GRIK2: variants seen among roughly 807,000 people sequenced by gnomAD.
The protein encoded by GRIK2 is glutamate ionotropic receptor kainate type subunit 2.
In GRIK2, 32 loss-of-function variants were observed where a neutral mutation model predicts 100.3. That is an observed-to-expected ratio of 0.32 (90% CI 0.24 to 0.43). The LOEUF (loss-of-function observed/expected upper bound fraction) is 0.43, where lower values mean the gene tolerates loss of function less well. GRIK2 is among the 20% of genes least tolerant of loss of function. The probability of loss-of-function intolerance (pLI) is 1.00; values close to 1 mark genes in which losing one functional copy is unlikely to be tolerated. For synonymous variants in GRIK2, 417 were observed against 389.4 expected, an observed-to-expected ratio of 1.07 and a Z score of -0.83; for missense variants, 843 against 1,114.9, an observed-to-expected ratio of 0.76 and a Z score of 3.47.
chr6:101,838,576 C>A (rs1783289934), intron 10 of GRIK2, among the ~76,000 whole-genome samples: 1 of 152,094 alleles, frequency 6.6e-6, no homozygotes, highest in South Asian at 2.1e-4. Flanking sequence ...TGCAATTTTT[C>A]CATTTCAAGA....
intron 8 of GRIK2, among the ~76,000 whole-genome samples, chr6:101,800,112 T>C (rs1780580228): frequency 6.6e-6 from 1 of 152,108 alleles, no homozygotes; most frequent in African/African-American, 2.4e-5. Context: ...ATTTTTAACA[T>C]AAATGTCATT....
At chr6:101,559,885 G>A (rs1002271189) in intron 2 of GRIK2, among the ~76,000 whole-genome samples, 4 of 152,050 alleles carry the variant, frequency 2.6e-5, no homozygotes, top group African/African-American at 9.7e-5. Context: ...TACAAGTTGT[G>A]GGGTGATATG....
chr6:101,849,396 TA>T (rs1457775001), intron 10 of GRIK2, among the ~76,000 whole-genome samples: 1 of 152,066 alleles, frequency 6.6e-6, no homozygotes. Flanking sequence ...CTTGAGCCCT[TA>T]GGGGGAAATA....
At chr6:102,045,273 T>G in intron 15 of GRIK2, among the ~76,000 whole-genome samples, 1 of 152,216 alleles carries the variant, frequency 6.6e-6, no homozygotes, top group East Asian at 1.9e-4. Context: ...CTATAATAAA[T>G]TAGTCTTCAG....
chr6:101,604,161 A>T (rs1779346191), intron 2 of GRIK2, among the ~76,000 whole-genome samples: 1 of 151,738 alleles, frequency 6.6e-6, no homozygotes, highest in Non-Finnish European at 1.5e-5. Context: ...GTTACAAATT[A>T]TCCCAGAAAA....
At chr6:101,592,909 T>C (rs1238001189) in intron 2 of GRIK2, among the ~76,000 whole-genome samples, 2 of 151,848 alleles carry the variant, frequency 1.3e-5, no homozygotes, top group East Asian at 2.0e-4. Flanking sequence ...AGGAATTACA[T>C]CACATGATTA....
chr6:101,711,780 TGTA>T (rs1208697968), intron 7 of GRIK2, among the ~76,000 whole-genome samples: 2 of 151,662 alleles, frequency 1.3e-5, no homozygotes, highest in African/African-American at 4.8e-5. Context: ...ACTAAAAACA[TGTA>T]GTGGCATTTT....
intron 2 of GRIK2, among the ~76,000 whole-genome samples, chr6:101,561,731 G>A (rs1777026749): frequency 6.6e-6 from 1 of 152,110 alleles, no homozygotes; most frequent in Admixed American, 6.5e-5. Context: ...GCAAGAGGGA[G>A]TAATTGGACT....
chr6:101,953,205 T>A (rs571239336), intron 14 of GRIK2, among the ~76,000 whole-genome samples: 1 of 152,340 alleles, frequency 6.6e-6, no homozygotes, highest in South Asian at 2.1e-4. Flanking sequence ...ACTTTTTGGA[T>A]ATTATAAATA....
chr6:102,000,253 C>T (rs2114256076), intron 14 of GRIK2, among the ~76,000 whole-genome samples: 1 of 143,348 alleles, frequency 7.0e-6, no homozygotes, highest in East Asian at 2.1e-4. Flanking sequence ...ATCACCTGGG[C>T]ATAGAGTTTT....
chr6:102,059,176 G>A (rs541629966), intron 16 of GRIK2, among the ~76,000 whole-genome samples: 1 of 151,062 alleles, frequency 6.6e-6, no homozygotes, highest in Non-Finnish European at 1.5e-5. Flanking sequence ...GAAATATGTG[G>A]ACCTTCAAGC....
At chr6:102,010,682 C>T (rs117016594) in intron 14 of GRIK2, among the ~76,000 whole-genome samples, 2,239 of 151,954 alleles carry the variant, frequency 0.015, 27 homozygotes, top group Middle Eastern at 0.048. Context: ...TGCACCGGGC[C>T]CCCTCCCTTC....
chr6:101,890,921 C>A (rs150535341), intron 12 of GRIK2, among the ~76,000 whole-genome samples: 402 of 149,574 alleles, frequency 2.7e-3, no homozygotes, highest in African/African-American at 9.4e-3. Flanking sequence ...AATTAAAAAT[C>A]AATTAGAATT....
intron 2 of GRIK2, among the ~76,000 whole-genome samples, chr6:101,436,034 A>G (rs948497677): frequency 6.6e-6 from 1 of 152,090 alleles, no homozygotes; most frequent in African/African-American, 2.4e-5. Flanking sequence ...TATATTCTTT[A>G]TCCTTTTCAA....
chr6:102,000,636 C>A (rs755929290), intron 14 of GRIK2, among the ~76,000 whole-genome samples: 8 of 151,952 alleles, frequency 5.3e-5, no homozygotes, highest in Admixed American at 3.9e-4. Context: ...AAGTATTTGT[C>A]CATTTATCTA....
chr6:101,632,163 G>C (rs915934781), intron 4 of GRIK2, among the ~76,000 whole-genome samples: 1 of 152,046 alleles, frequency 6.6e-6, no homozygotes, highest in African/African-American at 2.4e-5. Flanking sequence ...ACAAAGAAAG[G>C]CTGCCCTGAC....
rs555030952 is a variant in GRIK2 at position 101,418,180 on chromosome 6, G to A, written c.115+18788G>A. On this transcript the variant is annotated intron_variant, in intron 2 of 16. Transcript: ENST00000369134. ...TTGCATGGTGTGTTAAGGCTTTTCT[G>A]TGCTGGTTGGCTTGGGTATTAGTAT... Among the ~76,000 whole-genome samples, 36 of 152,280 alleles carry A rather than the reference G, an allele frequency of 2.4e-4. 1 individual carries two copies. Among genetic ancestry groups the A allele is most frequent in the Middle Eastern group, 3.4e-3 (1 of 294 alleles).
chr6:101,401,183 G>C (rs535304510), intron 2 of GRIK2, among the ~76,000 whole-genome samples: 2 of 152,200 alleles, frequency 1.3e-5, no homozygotes, highest in East Asian at 3.9e-4. Context: ...CGACTAGATG[G>C]AAAAAAGAAG....
At chr6:101,425,286 A>C (rs916578892) in intron 2 of GRIK2, among the ~76,000 whole-genome samples, 2 of 152,194 alleles carry the variant, frequency 1.3e-5, no homozygotes, top group African/African-American at 4.8e-5. Context: ...ATTTTTATAG[A>C]TAAGCATAAA....
Sources: allele counts gnomAD v4.1 joint callset (sites outside exome capture counted in the v4.1 genomes callset), GRCh38; gene constraint gnomAD v4.1.1; transcripts MANE v1.5; gene names NCBI Gene and HGNC (gene_info 2026-07-23, HGNC 2026-07-21).